Variants in TENM2 observed in about 807,000 individuals in gnomAD.
TENM2 encodes teneurin-2.
TENM2 carries 52 observed loss-of-function variants against 245.2 expected under a neutral mutation model. The ratio of observed to expected loss-of-function variants is 0.21; its 90% CI spans 0.17 to 0.27. TENM2 has a LOEUF of 0.27. TENM2 is among the 10% of genes least tolerant of loss of function. The probability of loss-of-function intolerance (pLI) is 1.00; values close to 1 mark genes in which losing one functional copy is unlikely to be tolerated. For synonymous variants in TENM2, 1,363 were observed against 1,438.9 expected, an observed-to-expected ratio of 0.95 and a Z score of 1.19; for missense variants, 3,046 against 3,666.8, an observed-to-expected ratio of 0.83 and a Z score of 4.37.
chr5:168,053,534 C>A lies in TENM2; in HGVS notation c.1309+5985C>A, dbSNP rs138534744. On this transcript the variant is annotated intron_variant, in intron 6 of 28. Coordinates refer to ENST00000518659, the Ensembl canonical transcript of TENM2. ...CACGGGTATCCACAGATTCAACCAA[C>A]CTCAGATTGAAAATATTTGGAATAA... 2.1e-4 allele frequency among the ~76,000 whole-genome samples: 32 copies of A among 152,212 alleles called. 1 individual carries two copies. The East Asian group carries it at 4.8e-3, about 23-fold the overall frequency.
intron 1 of TENM2, among the ~76,000 whole-genome samples, chr5:167,349,961 T>G (rs1758719973): frequency 6.6e-6 from 1 of 152,224 alleles, no homozygotes; most frequent in South Asian, 2.1e-4. Context: ...ACTTGAATTT[T>G]TCAGAGTTTT....
intron 3 of TENM2, chr5:167,937,874 TC>T (rs1464854507): frequency 6.6e-6 from 1 of 152,136 alleles, no homozygotes; most frequent in African/African-American, 2.4e-5. Flanking sequence ...TATCTTCCTA[TC>T]CTCCTCTTTC....
intron 9 of TENM2, among the ~76,000 whole-genome samples, chr5:168,107,172 T>G (rs540756652): frequency 1.3e-4 from 20 of 152,128 alleles, no homozygotes; most frequent in African/African-American, 4.8e-4. Flanking sequence ...ACCTGCCAAC[T>G]CCTGTTCCGA....
intron 2 of TENM2, among the ~76,000 whole-genome samples, chr5:167,480,794 C>A (rs1273173080): frequency 2.0e-5 from 3 of 152,056 alleles, no homozygotes; most frequent in African/African-American, 7.2e-5. Flanking sequence ...CCTCAAGTAG[C>A]CAGTCAGGGG....
intron 2 of TENM2, among the ~76,000 whole-genome samples, chr5:167,404,274 T>A (rs1266035870): frequency 1.3e-5 from 2 of 151,950 alleles, no homozygotes; most frequent in East Asian, 1.9e-4. Flanking sequence ...CCCGTGCAAT[T>A]GGGGAATTTC....
the TENM2 span, among the ~76,000 whole-genome samples, chr5:167,121,534 A>G: frequency 6.6e-6 from 1 of 152,244 alleles, no homozygotes; most frequent in Admixed American, 6.5e-5. Flanking sequence ...TGAGAGAAAC[A>G]GTAGTACCTG....
chr5:167,474,707 G>C (rs1767254644), intron 2 of TENM2, among the ~76,000 whole-genome samples: 1 of 151,938 alleles, frequency 6.6e-6, no homozygotes, highest in South Asian at 2.1e-4. Flanking sequence ...GTAGAGACAG[G>C]GTTTCGCCAT....
chr5:167,826,702 C>G lies in TENM2; in HGVS notation c.503-49284C>G, dbSNP rs564793525. Among the ~76,000 whole-genome samples, 10 of 152,284 alleles carry G rather than the reference C, an allele frequency of 6.6e-5. No homozygotes were observed. The South Asian group carries it at 2.1e-3, about 32-fold the overall frequency. Reference sequence around the variant, plus strand: ...GCAGTGTGGCCAAAGGTTAAGAGCACAGACTCAGGAGCTCTGCTGCTTACT... The same window carrying G: ...GCAGTGTGGCCAAAGGTTAAGAGCAGAGACTCAGGAGCTCTGCTGCTTACT... On this transcript the variant is annotated intron_variant, in intron 2 of 28. Transcript: ENST00000518659.
chr5:167,960,124 C>G (rs1275121660), intron 4 of TENM2, among the ~76,000 whole-genome samples: 1 of 152,236 alleles, frequency 6.6e-6, no homozygotes, highest in African/African-American at 2.4e-5. Flanking sequence ...TATGAGGTGT[C>G]TGTCAACCCA....
chr5:168,195,656 A>G (rs1047575348), intron 15 of TENM2, among the ~76,000 whole-genome samples: 1 of 150,764 alleles, frequency 6.6e-6, no homozygotes, highest in Non-Finnish European at 1.5e-5. Flanking sequence ...GGTAGCTCTT[A>G]GAAACGAACT....
At chr5:167,281,113 G>T (rs768305784), upstream of TENM2, among the ~76,000 whole-genome samples, 293 of 122,550 alleles carry the variant, frequency 2.4e-3, 4 homozygotes, top group African/African-American at 6.3e-3. Flanking sequence ...GACAATCAAT[G>T]TTTTTTTTTT....
At chr5:167,016,004 C>T in the TENM2 span, among the ~76,000 whole-genome samples, 1 of 152,126 alleles carries the variant, frequency 6.6e-6, no homozygotes, top group Admixed American at 6.5e-5. Context: ...CCTGTAATCC[C>T]AGCACTTTGG....
chr5:167,464,964 A>G (rs1442799907), intron 2 of TENM2, among the ~76,000 whole-genome samples: 6 of 152,206 alleles, frequency 3.9e-5, no homozygotes, highest in African/African-American at 1.4e-4. Context: ...ATGGTCCATA[A>G]CTTTTCCAAT....
At chr5:167,813,451 A>C (rs1766797961) in intron 2 of TENM2, among the ~76,000 whole-genome samples, 1 of 151,972 alleles carries the variant, frequency 6.6e-6, no homozygotes, top group Non-Finnish European at 1.5e-5. Flanking sequence ...GAAACCACTG[A>C]GCTATGGCAG....
the TENM2 span, among the ~76,000 whole-genome samples, chr5:167,093,377 A>T: frequency 6.6e-6 from 1 of 152,144 alleles, no homozygotes; most frequent in South Asian, 2.1e-4. Flanking sequence ...ATGAGCCAGG[A>T]TTCTAATTTG....
chr5:167,505,473 G>C (rs539508491), intron 2 of TENM2, among the ~76,000 whole-genome samples: 1 of 152,116 alleles, frequency 6.6e-6, no homozygotes, highest in Non-Finnish European at 1.5e-5. Context: ...GATTTATGTG[G>C]ATACAAGGAA....
At chr5:167,320,175 A>G (rs1229545321) in intron 1 of TENM2, among the ~76,000 whole-genome samples, 10 of 152,228 alleles carry the variant, frequency 6.6e-5, no homozygotes, top group Admixed American at 5.9e-4. Context: ...ATGATCTGCT[A>G]TGCTTATAGC....
At chr5:167,952,169 T>C (rs372025961) in intron 3 of TENM2, among the ~76,000 whole-genome samples, 1 of 152,212 alleles carries the variant, frequency 6.6e-6, no homozygotes, top group Admixed American at 6.5e-5. Flanking sequence ...GTGTTCCATA[T>C]TCTTAATATC....
At chr5:167,370,856 TG>T (rs1760374765) in intron 1 of TENM2, among the ~76,000 whole-genome samples, 1 of 152,200 alleles carries the variant, frequency 6.6e-6, no homozygotes, top group African/African-American at 2.4e-5. Context: ...AATCTTAGCT[TG>T]GAGAATCACA....
Sources: gnomAD v4.1 joint callset for allele counts (sites outside exome capture counted in the v4.1 genomes callset) on GRCh38, gnomAD v4.1.1 for gene constraint, MANE v1.5 for transcripts, NCBI Gene and HGNC (gene_info 2026-07-23, HGNC 2026-07-21) for gene names.